Variants in TMEM167A observed in about 807,000 individuals in gnomAD.
TMEM167A encodes protein kish-A.
In TMEM167A, 8 loss-of-function variants were observed where a neutral mutation model predicts 11.6. The ratio of observed to expected loss-of-function variants is 0.69; its 90% CI spans 0.40 to 1.24. The LOEUF is 1.24. TMEM167A is among the 50% of genes most tolerant of loss of function. TMEM167A has a pLI of 0.01. For synonymous variants in TMEM167A, 22 were observed against 28.0 expected (o/e 0.79, Z 0.67); for missense variants, 62 against 87.0 (o/e 0.71, Z 1.14).
At chr5:83,064,438 T>C in intron 2 of TMEM167A, 1 of 450,404 alleles carries the variant, frequency 2.2e-6, no homozygotes, top group Admixed American at 2.6e-5. Context: ...ATATCTTAGA[T>C]GGACATTATG....
Position 83,077,341 on chromosome 5 carries a change from C to T in TMEM167A, c.-18G>A. 6.2e-7 allele frequency: 1 copy of T among 1,614,200 alleles called. No homozygotes were observed. The highest frequency in any genetic ancestry group is 8.5e-7 in the Non-Finnish European group (1 of 1,180,022). On this transcript the variant is annotated 5_prime_UTR_variant, in exon 1 of 4. Coordinates refer to ENST00000502346, the MANE Select transcript of TMEM167A (RefSeq NM_174909.5). The stretch of plus-strand genomic sequence containing the variant: ...CTTACCATAGCGAGGCCGGCGATGC[C>T]GCAGCCACATCACCCTTCCGGGGCT...
At position 83,068,774 on chromosome 5, in the gene TMEM167A, A is replaced by G. The variant is rs187216787; in HGVS notation, c.4-3657T>C. ...GAAAACAAATCTTCAAAGTAGGTTT[A>G]TCATTTTCCTAATGCAGTATCTAAA... is the stretch of plus-strand genomic sequence containing the variant. On this transcript the variant is annotated intron_variant, in intron 1 of 3. Coordinates refer to ENST00000502346, the MANE Select transcript of TMEM167A (RefSeq NM_174909.5). Among the ~76,000 whole-genome samples the G allele has an allele frequency of 8.9e-4, 136 of 152,324 alleles. No homozygotes were observed. In the Middle Eastern group the frequency reaches 0.014, roughly 15 times the overall value.
At chr5:83,073,012 C>T (rs1744586074) in intron 1 of TMEM167A, among the ~76,000 whole-genome samples, 1 of 152,210 alleles carries the variant, frequency 6.6e-6, no homozygotes, top group Non-Finnish European at 1.5e-5. Flanking sequence ...ACTGCTACCT[C>T]CTCACCCACT....
chr5:83,075,792 C>CATT (rs1744640078), intron 1 of TMEM167A, among the ~76,000 whole-genome samples: 1 of 152,012 alleles, frequency 6.6e-6, no homozygotes, highest in East Asian at 1.9e-4. Flanking sequence ...TTTATTAAGT[C>CATT]ATTACCATTG....
chr5:83,060,473 T>C (rs1415451017), intron 3 of TMEM167A, among the ~76,000 whole-genome samples: 1 of 151,308 alleles, frequency 6.6e-6, no homozygotes, highest in Non-Finnish European at 1.5e-5. Context: ...TATGTACAAA[T>C]GTCTGGAGTC....
rs2112234526 is a variant in TMEM167A, at chr5:83,053,531, A to G, written c.*3553T>C. On this transcript the variant is annotated 3_prime_UTR_variant, in exon 4 of 4. Transcript: ENST00000502346. The stretch of plus-strand genomic sequence containing the variant: ...ATTCAACCTTCTTTGCACATACACC[A>G]AGGAAGAATTTAAATTTCTGCCCTT... 6.6e-6 allele frequency: 1 copy of G among 152,138 alleles called. No individual in the cohort carries two copies. Among genetic ancestry groups the G allele is most frequent in the South Asian group, 2.1e-4 (1 of 4,824 alleles). The allele number at this position is 152,138 out of a possible 1,614,324, so 9.4% of individuals were successfully genotyped here. A position where few individuals can be genotyped will look rare whatever the true frequency, so the allele number is the denominator to read the frequency against.
intron 2 of TMEM167A, among the ~76,000 whole-genome samples, chr5:83,062,244 T>C (rs1407853867): frequency 6.6e-6 from 1 of 152,164 alleles, no homozygotes; most frequent in South Asian, 2.1e-4. Flanking sequence ...AAGCAGAAAA[T>C]GTATATGGCA....
intron 1 of TMEM167A, among the ~76,000 whole-genome samples, chr5:83,070,089 T>G (rs768054146): frequency 2.6e-5 from 4 of 152,142 alleles, no homozygotes; most frequent in Admixed American, 6.5e-5. Context: ...TAATTTCCAT[T>G]CAGTATCCAC....
chr5:83,077,345 G>T lies in TMEM167A; in HGVS notation c.-22C>A, dbSNP rs774741802. ...CCATAGCGAGGCCGGCGATGCCGCA[G>T]CCACATCACCCTTCCGGGGCTCAGG... On this transcript the variant is annotated 5_prime_UTR_variant, in exon 1 of 4. In the 5' UTR this introduces an upstream ATG that the reference lacks. Transcript: ENST00000502346. 5 of 1,614,174 alleles carry T rather than the reference G, an allele frequency of 3.1e-6. No homozygotes were observed. Among genetic ancestry groups the T allele is most frequent in the Non-Finnish European group, 4.2e-6 (5 of 1,180,014 alleles).
At chr5:83,069,095 T>A (rs1744525871) in intron 1 of TMEM167A, among the ~76,000 whole-genome samples, 1 of 152,190 alleles carries the variant, frequency 6.6e-6, no homozygotes, top group South Asian at 2.1e-4. Flanking sequence ...AGAAAACCAT[T>A]TACAAGTATG....
At chr5:83,059,360 A>C (rs1015101427) in intron 3 of TMEM167A, among the ~76,000 whole-genome samples, 1 of 152,120 alleles carries the variant, frequency 6.6e-6, no homozygotes, top group Non-Finnish European at 1.5e-5. Flanking sequence ...TCATTACATA[A>C]GATGGATTTA....
intron 1 of TMEM167A, among the ~76,000 whole-genome samples, chr5:83,071,096 A>T (rs776433565): frequency 6.6e-6 from 1 of 152,134 alleles, no homozygotes; most frequent in Non-Finnish European, 1.5e-5. Flanking sequence ...AAGCATACTT[A>T]ATCTGCAGAA....
intron 3 of TMEM167A, among the ~76,000 whole-genome samples, chr5:83,060,592 G>C (rs1580173419): frequency 6.6e-6 from 1 of 152,016 alleles, no homozygotes; most frequent in Non-Finnish European, 1.5e-5. Flanking sequence ...AGCACTTTGG[G>C]AGGCCGAGGC....
intron 1 of TMEM167A, among the ~76,000 whole-genome samples, chr5:83,065,657 G>T (rs1744471265): frequency 6.6e-6 from 1 of 152,058 alleles, no homozygotes; most frequent in Non-Finnish European, 1.5e-5. Context: ...TCTGATTAGA[G>T]ATGCTCAACG....
chr5:83,065,810 A>G lies in TMEM167A; in HGVS notation c.4-693T>C, dbSNP rs147058597. On this transcript the variant is annotated intron_variant, in intron 1 of 3. Coordinates refer to ENST00000502346, the MANE Select transcript of TMEM167A (RefSeq NM_174909.5). The stretch of plus-strand genomic sequence containing the variant: ...TTCCAAAGTTAAAATTTAACACAAG[A>G]GTCATAAGAAACCATAAGTTTCATA... Among the ~76,000 whole-genome samples, 430 of 152,296 alleles carry G rather than the reference A, an allele frequency of 2.8e-3. 4 individuals are homozygous for G. Among genetic ancestry groups the G allele is most frequent in the African/African-American group, 1.0e-2 (414 of 41,578 alleles).
chr5:83,077,233 C>T, intron 1 of TMEM167A, 88 bp downstream of exon 1: 2 of 1,603,904 alleles, frequency 1.2e-6, no homozygotes, highest in Non-Finnish European at 1.7e-6. Flanking sequence ...GCCCACACAC[C>T]CCGGGCTGCC....
At chr5:83,063,997 G>A (rs139809109) in intron 2 of TMEM167A, among the ~76,000 whole-genome samples, 2 of 152,038 alleles carry the variant, frequency 1.3e-5, no homozygotes, top group East Asian at 1.9e-4. Flanking sequence ...AAAAGATTAC[G>A]AGTCTCATAA....
chr5:83,056,150 CAA>C lies in TMEM167A; in HGVS notation c.*932_*933del, dbSNP rs1744327470. On this transcript the variant is annotated 3_prime_UTR_variant, in exon 4 of 4. Coordinates refer to ENST00000502346, the MANE Select transcript of TMEM167A (RefSeq NM_174909.5). Reference sequence around the variant, plus strand: ...AAACTATTTATCACCTCCAAAGTAACAAAAGAGATTCCAGTTCAAGTTGACAA... The same window carrying C: ...AAACTATTTATCACCTCCAAAGTAACAAGAGATTCCAGTTCAAGTTGACAA... 1 of 151,904 alleles carries C rather than the reference CAA, an allele frequency of 6.6e-6. No homozygotes were observed. Among genetic ancestry groups the C allele is most frequent in the African/African-American group, 2.4e-5 (1 of 41,398 alleles). 9.4% of individuals were successfully genotyped at this position (151,904 alleles called of 1,614,324 possible). A position where few individuals can be genotyped will look rare whatever the true frequency, so the allele number is the denominator to read the frequency against.
chr5:83,064,129 A>C (rs1198011946), intron 2 of TMEM167A: 1 of 394,684 alleles, frequency 2.5e-6, no homozygotes, highest in African/African-American at 2.1e-5. Flanking sequence ...AAAGGTTTTA[A>C]AAAAAGCTTT....
Sources: allele counts gnomAD v4.1 joint callset (sites outside exome capture counted in the v4.1 genomes callset), GRCh38; gene constraint gnomAD v4.1.1; transcripts MANE v1.5; gene names NCBI Gene and HGNC (gene_info 2026-07-23, HGNC 2026-07-21).